Variants in TNIK observed in about 807,000 individuals in gnomAD.
The protein encoded by TNIK is TRAF2 and NCK interacting kinase.
A neutral mutation model predicts 191.3 loss-of-function variants in TNIK; 49 were observed. That is an observed-to-expected ratio of 0.26 (90% CI 0.20 to 0.32). TNIK has a LOEUF of 0.32. Ranked by LOEUF, TNIK falls within the 10% of genes least tolerant of loss-of-function variation. The probability of loss-of-function intolerance (pLI) is 1.00; values close to 1 mark genes in which losing one functional copy is unlikely to be tolerated. For synonymous variants in TNIK, 594 were observed against 600.9 expected (o/e 0.99, Z 0.17); for missense variants, 1,155 against 1,702.3 (o/e 0.68, Z 5.66).
chr3:171,246,898 A>G (rs1745653258), intron 2 of TNIK, among the ~76,000 whole-genome samples: 1 of 152,220 alleles, frequency 6.6e-6, no homozygotes, highest in Non-Finnish European at 1.5e-5. Context: ...AAATGGTAGC[A>G]AAAGTAGGAC....
chr3:171,212,911 G>A (rs1163159041), intron 3 of TNIK, among the ~76,000 whole-genome samples: 1 of 64,196 alleles, frequency 1.6e-5, no homozygotes, highest in East Asian at 7.3e-4. Flanking sequence ...GCAAACCTAG[G>A]AGAAGTAAAA....
At chr3:171,118,509 G>A (rs1576873180) in intron 18 of TNIK, among the ~76,000 whole-genome samples, 2 of 152,264 alleles carry the variant, frequency 1.3e-5, no homozygotes, top group African/African-American at 4.8e-5. Flanking sequence ...GAACAAAGCT[G>A]GAGGCATCAT....
At chr3:171,342,774 G>A (rs1711510773) in intron 2 of TNIK, among the ~76,000 whole-genome samples, 1 of 152,162 alleles carries the variant, frequency 6.6e-6, no homozygotes, top group South Asian at 2.1e-4. Flanking sequence ...ATATGGTTTG[G>A]CTGTGTCCCC....
chr3:171,070,597 T>C (rs1482263752), intron 29 of TNIK, among the ~76,000 whole-genome samples: 5 of 152,142 alleles, frequency 3.3e-5, no homozygotes, highest in Non-Finnish European at 5.9e-5. Flanking sequence ...GTCAGCTTCA[T>C]GAGCTGGGGT....
intron 28 of TNIK, among the ~76,000 whole-genome samples, chr3:171,072,236 A>G (rs1560071023): frequency 6.6e-6 from 1 of 152,194 alleles, no homozygotes; most frequent in Non-Finnish European, 1.5e-5. Flanking sequence ...TTGGTAAAAT[A>G]TCTCAAGAAA....
intron 23 of TNIK, among the ~76,000 whole-genome samples, chr3:171,089,956 A>G (rs1721851367): frequency 6.6e-6 from 1 of 152,126 alleles, no homozygotes; most frequent in Non-Finnish European, 1.5e-5. Flanking sequence ...CTGTTGTATT[A>G]GGGGGCCTAC....
rs10602125 is a variant in TNIK, at chr3:171,452,729, A to AACACAC, written c.57+7272_57+7277dup. ...GTTGAAATAATTGAAACACACTCCA[A>AACACAC]ACACACACACACACACACACACACA... On this transcript the variant is annotated intron_variant, in intron 1 of 32. Coordinates refer to ENST00000436636, the MANE Select transcript of TNIK (RefSeq NM_015028.4). 6.9e-3 allele frequency among the ~76,000 whole-genome samples: 986 copies of AACACAC among 142,624 alleles called. 11 individuals carry two copies. The highest frequency in any genetic ancestry group is 0.023 in the African/African-American group (891 of 39,108). 93.6% of individuals were successfully genotyped at this position (142,624 alleles called of 152,430 possible). A position where few individuals can be genotyped will look rare whatever the true frequency, so the allele number is the denominator to read the frequency against.
At chr3:171,315,460 G>A (rs1041400940) in intron 2 of TNIK, among the ~76,000 whole-genome samples, 7 of 152,078 alleles carry the variant, frequency 4.6e-5, no homozygotes, top group African/African-American at 1.7e-4. Context: ...ATGGTGTTGT[G>A]CATTAAATTA....
At chr3:171,198,373 C>A (rs891778720) in intron 4 of TNIK, among the ~76,000 whole-genome samples, 1 of 151,966 alleles carries the variant, frequency 6.6e-6, no homozygotes, top group South Asian at 2.1e-4. Context: ...CTAGTGGATG[C>A]CAGGGACTGG....
chr3:171,330,328 A>C (rs924986657), intron 2 of TNIK, among the ~76,000 whole-genome samples: 1 of 152,202 alleles, frequency 6.6e-6, no homozygotes, highest in African/African-American at 2.4e-5. Flanking sequence ...CTTTTCTTTC[A>C]TGGACTACAG....
chr3:171,231,883 T>C (rs901761839), intron 2 of TNIK, among the ~76,000 whole-genome samples: 8 of 152,164 alleles, frequency 5.3e-5, no homozygotes, highest in Non-Finnish European at 8.8e-5. Flanking sequence ...TAGGACACTT[T>C]CTCCTCCATC....
intron 2 of TNIK, chr3:171,346,805 G>C (rs746148408): frequency 3.4e-5 from 6 of 176,518 alleles, no homozygotes; most frequent in African/African-American, 1.2e-4. Flanking sequence ...AGTATGTCTG[G>C]ATCCCAGAGA....
intron 12 of TNIK, among the ~76,000 whole-genome samples, chr3:171,143,423 G>A (rs1010803805): frequency 1.7e-4 from 26 of 152,198 alleles, no homozygotes; most frequent in African/African-American, 5.5e-4. Flanking sequence ...TGAGGGCAAG[G>A]CCAGTGCTTG....
intron 9 of TNIK, among the ~76,000 whole-genome samples, chr3:171,174,654 A>G (rs1462082564): frequency 6.6e-6 from 1 of 152,186 alleles, no homozygotes; most frequent in African/African-American, 2.4e-5. Flanking sequence ...TCATACTAGT[A>G]TTCATGTAGT....
intron 18 of TNIK, among the ~76,000 whole-genome samples, chr3:171,117,092 A>G (rs1315743808): frequency 6.6e-6 from 1 of 152,224 alleles, no homozygotes; most frequent in African/African-American, 2.4e-5. Context: ...AGTGTTTGCA[A>G]TATAAATGGG....
At chr3:171,218,091 C>A (rs1182502001) in intron 3 of TNIK, among the ~76,000 whole-genome samples, 1 of 152,118 alleles carries the variant, frequency 6.6e-6, no homozygotes, top group Non-Finnish European at 1.5e-5. Context: ...ATATTTACAT[C>A]TCACACTAAC....
chr3:171,301,448 G>A (rs12696318), intron 2 of TNIK, among the ~76,000 whole-genome samples: 54,494 of 151,792 alleles, frequency 0.36, 10,357 homozygotes, highest in Non-Finnish European at 0.42. Context: ...CCGAGTAGCT[G>A]GGACTACATG....
intron 2 of TNIK, among the ~76,000 whole-genome samples, chr3:171,264,765 C>T (rs1748167458): frequency 6.6e-6 from 1 of 152,176 alleles, no homozygotes; most frequent in South Asian, 2.1e-4. Context: ...AATCTCTTAA[C>T]ACAGAAGAAG....
chr3:171,225,841 A>AT, intron 3 of TNIK: 3 of 339,654 alleles, frequency 8.8e-6, no homozygotes, highest in South Asian at 6.9e-5. Flanking sequence ...GTAGTTCTTC[A>AT]AAACCACACA....
Sources: allele counts gnomAD v4.1 joint callset (sites outside exome capture counted in the v4.1 genomes callset), GRCh38; gene constraint gnomAD v4.1.1; transcripts MANE v1.5; gene names NCBI Gene and HGNC (gene_info 2026-07-23, HGNC 2026-07-21).